Variants in FOXN3 observed in about 807,000 individuals in gnomAD.
FOXN3 encodes forkhead box protein N3.
FOXN3 carries 7 observed loss-of-function variants against 38.4 expected under a neutral mutation model. The observed-to-expected ratio is 0.18, with a 90% CI of 0.10 to 0.34. FOXN3 has a LOEUF of 0.34. Ranked by LOEUF, FOXN3 falls within the 10% of genes least tolerant of loss-of-function variation. FOXN3 has a pLI of 1.00. For synonymous variants in FOXN3, 230 were observed against 242.2 expected, an observed-to-expected ratio of 0.95 and a Z score of 0.47; for missense variants, 456 against 613.4, an observed-to-expected ratio of 0.74 and a Z score of 2.71.
intron 1 of FOXN3, among the ~76,000 whole-genome samples, chr14:89,445,020 G>A (rs1456422921): frequency 6.6e-6 from 1 of 152,042 alleles, no homozygotes; most frequent in Non-Finnish European, 1.5e-5. Context: ...CTACTCAGAA[G>A]GCTGAAATGG....
chr14:89,495,099 G>A (rs1409935219), intron 1 of FOXN3, among the ~76,000 whole-genome samples: 4 of 152,096 alleles, frequency 2.6e-5, no homozygotes, highest in Admixed American at 1.3e-4. Context: ...TATTCATCAC[G>A]GTAGACAAAA....
intron 1 of FOXN3, among the ~76,000 whole-genome samples, chr14:89,521,299 C>T (rs1409670478): frequency 6.7e-6 from 1 of 149,604 alleles, no homozygotes. Flanking sequence ...ACAGAGCAGG[C>T]TCCATCTAAA....
intron 5 of FOXN3, among the ~76,000 whole-genome samples, chr14:89,170,332 G>A (rs1289150863): frequency 1.3e-5 from 2 of 152,118 alleles, no homozygotes; most frequent in Non-Finnish European, 1.5e-5. Context: ...ACACACAAAA[G>A]TTTCATATGG....
At chr14:89,338,315 T>C (rs1027462977) in intron 3 of FOXN3, among the ~76,000 whole-genome samples, 6 of 152,256 alleles carry the variant, frequency 3.9e-5, no homozygotes, top group African/African-American at 9.6e-5. Context: ...ATCTATGCTA[T>C]GCATTCTAAG....
intron 5 of FOXN3, among the ~76,000 whole-genome samples, chr14:89,165,509 C>T (rs1334317242): frequency 6.6e-6 from 1 of 152,196 alleles, no homozygotes; most frequent in African/African-American, 2.4e-5. Context: ...TCAGAGGAAA[C>T]AGGCCCTTCA....
At chr14:89,263,173 G>C (rs189817847) in intron 4 of FOXN3, among the ~76,000 whole-genome samples, 3 of 152,174 alleles carry the variant, frequency 2.0e-5, no homozygotes, top group Non-Finnish European at 4.4e-5. Context: ...TATTATGGTG[G>C]AAAGAGAAAC....
At position 89,170,459 on chromosome 14, in the gene FOXN3, T is replaced by A. The variant is rs577148549; in HGVS notation, c.852-7490A>T. ...TTATTTATTTTTCATTTATAACTGA[T>A]AGAGATGGGGTTTCACTGTGTTGAC... On this transcript the variant is annotated intron_variant, in intron 5 of 5. Coordinates refer to ENST00000557258, the MANE Select transcript of FOXN3 (RefSeq NM_005197.4). Among the ~76,000 whole-genome samples the A allele has an allele frequency of 1.5e-4, 23 of 152,338 alleles. No homozygotes were observed. The East Asian group carries it at 2.7e-3, about 18-fold the overall frequency.
Position 89,412,179 on chromosome 14 carries a change from G to A in FOXN3, c.298C>T (p.His100Tyr), listed in dbSNP as rs1596259530. The A allele has an allele frequency of 1.2e-6, 2 of 1,613,082 alleles. No homozygotes were observed. The highest frequency in any genetic ancestry group is 2.2e-5 in the East Asian group (1 of 44,850). The change falls in exon 2 of 6, where the codon CAC becomes TAC. Residue 100 changes from histidine (H) to tyrosine (Y), a missense_variant. Physicochemically the swap from His to Tyr is moderately conservative, Grantham distance 83. Transcript: ENST00000557258. The surrounding 1 kb of genome is among the most constrained non-coding windows in gnomAD (Gnocchi z 4.7). The part of the protein sequence containing the change: ...LDDDTPPSPA[H>Y]SDMPYDARQN... ...CTGGCATCGTAGGGCATGTCAGAGT[G>A]GGCAGGGGATGGGGGGGTGTCATCG... is the stretch of plus-strand genomic sequence containing the variant.
chr14:89,292,252 T>C (rs1886897579), intron 3 of FOXN3, among the ~76,000 whole-genome samples: 1 of 152,156 alleles, frequency 6.6e-6, no homozygotes, highest in African/African-American at 2.4e-5. Flanking sequence ...CCAGGACTGA[T>C]GATTTCTTAT....
intron 1 of FOXN3, among the ~76,000 whole-genome samples, chr14:89,452,499 C>T (rs558002789): frequency 3.6e-4 from 55 of 152,300 alleles, no homozygotes; most frequent in African/African-American, 1.3e-3. Context: ...GGCCAGGTGT[C>T]CAGGCTGCGA....
At chr14:89,539,754 G>A (rs181841195) in intron 1 of FOXN3, among the ~76,000 whole-genome samples, 3 of 152,308 alleles carry the variant, frequency 2.0e-5, no homozygotes, top group Admixed American at 2.0e-4. Context: ...TTGATGGTCA[G>A]GAACTGCTGC....
At chr14:89,364,731 A>C (rs1890086259) in intron 2 of FOXN3, 1 of 152,244 alleles carries the variant, frequency 6.6e-6, no homozygotes, top group Non-Finnish European at 1.5e-5. Flanking sequence ...ATATTCAGAC[A>C]CCTGAGCTCT....
intron 4 of FOXN3, among the ~76,000 whole-genome samples, chr14:89,276,859 G>C (rs531273357): frequency 3.9e-5 from 6 of 152,244 alleles, no homozygotes; most frequent in South Asian, 4.1e-4. Flanking sequence ...AAGACCAAGA[G>C]GGCAGAAGTA....
intron 1 of FOXN3, among the ~76,000 whole-genome samples, chr14:89,544,917 T>C (rs1033008447): frequency 1.3e-5 from 2 of 152,204 alleles, no homozygotes; most frequent in Non-Finnish European, 2.9e-5. Context: ...AATCTTCCAT[T>C]TAATATTTTC....
chr14:89,297,286 G>A (rs1319151299), intron 3 of FOXN3, among the ~76,000 whole-genome samples: 1 of 152,140 alleles, frequency 6.6e-6, no homozygotes, highest in East Asian at 1.9e-4. Context: ...ATAGGGGCCG[G>A]GCGCGGTGGC....
intron 1 of FOXN3, among the ~76,000 whole-genome samples, chr14:89,422,314 A>G (rs1891931295): frequency 6.6e-6 from 1 of 152,122 alleles, no homozygotes; most frequent in Non-Finnish European, 1.5e-5. Context: ...CTGGTTGGGG[A>G]GGTGTGGGCT....
chr14:89,286,264 G>T (rs2139925802), intron 3 of FOXN3, among the ~76,000 whole-genome samples: 1 of 152,268 alleles, frequency 6.6e-6, no homozygotes, highest in South Asian at 2.1e-4. Flanking sequence ...CTGAAGAAAT[G>T]AATGAAAGCC....
chr14:89,564,886 A>T (rs1895320125), intron 1 of FOXN3, among the ~76,000 whole-genome samples: 1 of 152,054 alleles, frequency 6.6e-6, no homozygotes, highest in Admixed American at 6.6e-5. Flanking sequence ...CAAGGTCAGG[A>T]GTTCGAGACC....
At chr14:89,432,792 T>C (rs1046653657) in intron 1 of FOXN3, among the ~76,000 whole-genome samples, 1 of 152,174 alleles carries the variant, frequency 6.6e-6, no homozygotes, top group Non-Finnish European at 1.5e-5. Context: ...GTTTTTGTTT[T>C]GTTTTGTGGC....
Sources: allele counts gnomAD v4.1 joint callset (sites outside exome capture counted in the v4.1 genomes callset), GRCh38; gene constraint gnomAD v4.1.1; non-coding constraint Gnocchi (gnomAD v3.1); transcripts MANE v1.5; gene names NCBI Gene and HGNC (gene_info 2026-07-23, HGNC 2026-07-21).